SGCD: variants seen among roughly 807,000 people sequenced by gnomAD.
SGCD encodes the protein delta-sarcoglycan.
In SGCD, 18 loss-of-function variants were observed where a neutral mutation model predicts 36.6. The ratio of observed to expected loss-of-function variants is 0.49; its 90% CI spans 0.34 to 0.73. The LOEUF is 0.73. Among genes scored for constraint, SGCD ranks in the 30% least tolerant of loss-of-function variants. The probability of loss-of-function intolerance (pLI) is 0.01; values close to 1 mark genes in which losing one functional copy is unlikely to be tolerated. For missense variants in SGCD, 387 were observed against 346.7 expected (o/e 1.12, Z -0.92); for synonymous variants, 133 against 130.6 (o/e 1.02, Z -0.12).
chr5:156,631,550 AT>A (rs989089445), intron 6 of SGCD, among the ~76,000 whole-genome samples: 152 of 145,794 alleles, frequency 1.0e-3, no homozygotes, highest in African/African-American at 1.5e-3. Flanking sequence ...CATAGACGCT[AT>A]TTTTTTTTCT....
intron 3 of SGCD, among the ~76,000 whole-genome samples, chr5:156,262,069 G>C (rs896867467): frequency 1.3e-5 from 2 of 152,062 alleles, no homozygotes; most frequent in African/African-American, 4.8e-5. Flanking sequence ...CTGAAGAAAA[G>C]ATATTTGTAA....
chr5:156,645,342 A>G (rs1763187770), intron 6 of SGCD, among the ~76,000 whole-genome samples: 1 of 152,138 alleles, frequency 6.6e-6, no homozygotes. Flanking sequence ...ATCCTGAAGG[A>G]TGTTTGTCTA....
chr5:155,772,992 C>G, the SGCD span, among the ~76,000 whole-genome samples: 11 of 152,078 alleles, frequency 7.2e-5, no homozygotes, highest in Admixed American at 3.9e-4. Flanking sequence ...CTACTACTTA[C>G]GAAGTAAGTA....
intron 1 of SGCD, among the ~76,000 whole-genome samples, chr5:156,073,464 G>C: frequency 6.6e-6 from 1 of 152,168 alleles, no homozygotes; most frequent in East Asian, 1.9e-4. Flanking sequence ...CTGGAAGACT[G>C]AGATAGGAAG....
intron 3 of SGCD, among the ~76,000 whole-genome samples, chr5:156,250,754 G>A (rs1369325835): frequency 6.6e-6 from 1 of 152,168 alleles, no homozygotes; most frequent in African/African-American, 2.4e-5. Flanking sequence ...TCAGTTGGGA[G>A]TTAGCGATCA....
chr5:156,469,484 G>A (rs927387282), intron 3 of SGCD, among the ~76,000 whole-genome samples: 8 of 152,292 alleles, frequency 5.3e-5, no homozygotes, highest in African/African-American at 1.7e-4. Flanking sequence ...AGATACTGAA[G>A]AACAGATTTT....
At chr5:156,721,327 G>A (rs1355725056) in intron 7 of SGCD, among the ~76,000 whole-genome samples, 2 of 152,128 alleles carry the variant, frequency 1.3e-5, no homozygotes, top group Non-Finnish European at 2.9e-5. Flanking sequence ...AGGAAGATGA[G>A]GAGGAACCAG....
intron 6 of SGCD, among the ~76,000 whole-genome samples, chr5:156,606,509 G>A (rs1460893343): frequency 3.9e-5 from 6 of 152,156 alleles, no homozygotes; most frequent in Non-Finnish European, 8.8e-5. Flanking sequence ...TTTTAGCTTA[G>A]GATTGACTTG....
At chr5:156,395,702 A>G (rs986182162) in intron 3 of SGCD, among the ~76,000 whole-genome samples, 2 of 152,194 alleles carry the variant, frequency 1.3e-5, no homozygotes, top group African/African-American at 4.8e-5. Flanking sequence ...GCAGAGAGGA[A>G]AAGGATCATT....
At chr5:156,209,284 T>A (rs1191721681) in intron 3 of SGCD, among the ~76,000 whole-genome samples, 1 of 152,098 alleles carries the variant, frequency 6.6e-6, no homozygotes, top group Non-Finnish European at 1.5e-5. Context: ...AGATCAACCC[T>A]CAGAGCACCA....
the SGCD span, among the ~76,000 whole-genome samples, chr5:155,862,395 C>G: frequency 6.6e-6 from 1 of 152,144 alleles, no homozygotes; most frequent in Non-Finnish European, 1.5e-5. Flanking sequence ...GTGGCATGAT[C>G]ATAGCTCACT....
intron 3 of SGCD, among the ~76,000 whole-genome samples, chr5:156,280,197 T>C (rs1766416916): frequency 6.6e-6 from 1 of 152,182 alleles, no homozygotes; most frequent in African/African-American, 2.4e-5. Context: ...GGCCAACAAC[T>C]GGCAATAGTG....
rs191796002 is a variant in SGCD, at chr5:156,285,055, A to G, written c.-43-44479A>G. ...CACACAAACAGAGAGCTAAATCACG[A>G]GTGAACTCCCATTCACAATTGCTTC... On this transcript the variant is annotated intron_variant, in intron 3 of 9. Transcript: ENST00000517913. 2.7e-3 allele frequency among the ~76,000 whole-genome samples: 414 copies of G among 152,330 alleles called. 1 individual carries two copies. Among genetic ancestry groups the G allele is most frequent in the Non-Finnish European group, 4.6e-3 (314 of 68,028 alleles).
At chr5:155,929,472 C>G (rs966486626) in intron 1 of SGCD, among the ~76,000 whole-genome samples, 2 of 152,142 alleles carry the variant, frequency 1.3e-5, no homozygotes, top group Non-Finnish European at 2.9e-5. Flanking sequence ...ATTTTTTCCT[C>G]CTCTGCTATT....
intron 4 of SGCD, among the ~76,000 whole-genome samples, chr5:156,546,812 A>G (rs1216132649): frequency 6.6e-6 from 1 of 152,202 alleles, no homozygotes; most frequent in African/African-American, 2.4e-5. Flanking sequence ...CAGCTATCAT[A>G]AGTATTTAAG....
In SGCD at chr5:156,643,044, T is replaced by G. The variant is rs535072880; in HGVS notation, c.503-4420T>G. ...TTTTTGTTTTTTTTTTTGTTTGTTTTTTTTTGAAACGGAGTTTCACCCTTG... is the reference window on the plus strand; with the variant it reads ...TTTTTGTTTTTTTTTTTGTTTGTTTGTTTTTGAAACGGAGTTTCACCCTTG... On this transcript the variant is annotated intron_variant, in intron 6 of 8. Coordinates refer to ENST00000337851, the MANE Select transcript of SGCD (RefSeq NM_000337.6). Among the ~76,000 whole-genome samples the G allele has an allele frequency of 1.2e-3, 183 of 149,430 alleles. 1 individual carries two copies. The highest frequency in any genetic ancestry group is 4.2e-3 in the African/African-American group (169 of 39,930).
chr5:156,701,885 A>G (rs1033293295), intron 7 of SGCD, among the ~76,000 whole-genome samples: 3 of 152,220 alleles, frequency 2.0e-5, no homozygotes, highest in Non-Finnish European at 2.9e-5. Flanking sequence ...TCTTGAGGAC[A>G]TTAAATAGAT....
chr5:155,792,085 G>C, the SGCD span, among the ~76,000 whole-genome samples: 1 of 152,034 alleles, frequency 6.6e-6, no homozygotes, highest in African/African-American at 2.4e-5. Context: ...ACAGAGCTGA[G>C]AGCCCAGAAA....
chr5:156,208,906 C>CA (rs555778839), intron 3 of SGCD, among the ~76,000 whole-genome samples: 264 of 152,060 alleles, frequency 1.7e-3, no homozygotes, highest in African/African-American at 6.0e-3. Flanking sequence ...ACATGTAGCA[C>CA]AAAAATAAGA....
Sources: gnomAD v4.1 joint callset for allele counts (sites outside exome capture counted in the v4.1 genomes callset) on GRCh38, gnomAD v4.1.1 for gene constraint, MANE v1.5 for transcripts, NCBI Gene and HGNC (gene_info 2026-07-23, HGNC 2026-07-21) for gene names.